The following MAP4K5 variants were observed in gnomAD, a reference collection of about 807,000 sequenced individuals.
MAP4K5 encodes the protein mitogen-activated protein kinase kinase kinase kinase 5, also known as MAPK/ERK kinase kinase kinase 5.
A neutral mutation model predicts 135.6 loss-of-function variants in MAP4K5; 82 were observed. The observed-to-expected ratio is 0.60, with a 90% CI of 0.51 to 0.73. The LOEUF is 0.73. Among genes scored for constraint, MAP4K5 ranks in the 30% least tolerant of loss-of-function variants. The pLI is 0.00. For synonymous variants in MAP4K5, 347 were observed against 335.0 expected, an observed-to-expected ratio of 1.04 and a Z score of -0.39; for missense variants, 907 against 1,010.9, an observed-to-expected ratio of 0.90 and a Z score of 1.39.
rs990398488 is a variant in MAP4K5, at chr14:50,429,373, C to T, written c.2165-113G>A. Reference sequence around the variant, plus strand: ...TAAAATTGATCTTTGAAATTTAACACAGAATTTATATTTTGTGATGTTATC... The same window carrying T: ...TAAAATTGATCTTTGAAATTTAACATAGAATTTATATTTTGTGATGTTATC... On this transcript the variant is annotated intron_variant, in intron 28 of 32. Coordinates refer to ENST00000682126, the MANE Select transcript of MAP4K5 (RefSeq NM_006575.6). The T allele has an allele frequency of 4.7e-6, 3 of 632,130 alleles. No individual in the cohort carries two copies. In the East Asian group the frequency reaches 8.6e-5, roughly 18 times the overall value. The allele number at this position is 632,130 out of a possible 1,614,324, so 39.2% of individuals were successfully genotyped here. A position where few individuals can be genotyped will look rare whatever the true frequency, so the allele number is the denominator to read the frequency against.
chr14:50,425,867 T>C (rs2035833867), intron 31 of MAP4K5, 40 bp downstream of exon 31: 3 of 1,408,756 alleles, frequency 2.1e-6, no homozygotes, highest in East Asian at 2.3e-5. Flanking sequence ...CATTTAAAAT[T>C]GTTAGTGGGA....
intron 6 of MAP4K5, among the ~76,000 whole-genome samples, chr14:50,477,911 T>C (rs151295416): frequency 6.6e-6 from 1 of 152,288 alleles, no homozygotes; most frequent in East Asian, 1.9e-4. Flanking sequence ...CATTAGCCTG[T>C]AGTTTTGTTC....
At chr14:50,543,770 T>C (rs982129299) in intron 1 of MAP4K5, among the ~76,000 whole-genome samples, 20 of 152,242 alleles carry the variant, frequency 1.3e-4, no homozygotes, top group Admixed American at 5.2e-4. Flanking sequence ...GGAGTGGCTC[T>C]TCTATTATTC....
At position 50,445,122 on chromosome 14, in the gene MAP4K5, C is replaced by T. The variant is rs1355269556; in HGVS notation, c.1258G>A (p.Asp420Asn). The change falls in exon 18 of 33, where the codon GAT becomes AAT. Residue 420 changes from aspartate to asparagine, a missense_variant. Transcript: ENST00000682126. Reference protein sequence around the residue: ...EKASTIKHCPDSESRAPQILR... With the variant: ...EKASTIKHCPNSESRAPQILR... ...ATTTGGGGAGCTCTGCTTTCTGAAT[C>T]AGGACAATGTTTTATGGTTGATGCT... The T allele has an allele frequency of 2.5e-6, 4 of 1,613,662 alleles. No homozygotes were observed. The highest frequency in any genetic ancestry group is 3.4e-6 in the Non-Finnish European group (4 of 1,179,698).
At position 50,466,661 on chromosome 14, in the gene MAP4K5, T is replaced by C. The variant is rs369362033; in HGVS notation, c.675-16A>G. On this transcript the variant is annotated splice_polypyrimidine_tract_variant and intron_variant, in intron 10 of 32. Transcript: ENST00000682126. The stretch of plus-strand genomic sequence containing the variant: ...GAAGAGAGCCCTGAAATAAAAATTA[T>C]AGTTAAAGAACAATATCAAAATTAC... 37 of 1,196,806 alleles carry C rather than the reference T, an allele frequency of 3.1e-5. No homozygotes were observed. Among genetic ancestry groups the C allele is most frequent in the Admixed American group, 6.0e-5 (3 of 50,168 alleles). 74.1% of individuals were successfully genotyped at this position (1,196,806 alleles called of 1,614,324 possible).
rs745321309 is a variant in MAP4K5, at chr14:50,440,408, A to G, written c.1598T>C (p.Ile533Thr). 6.2e-7 allele frequency: 1 copy of G among 1,603,326 alleles called. No homozygotes were observed. The highest frequency in any genetic ancestry group is 1.1e-5 in the South Asian group (1 of 89,726). ...TAGCTCATTGAGATTCAGTGTGTAA[A>G]TACCATCTTCAGTTCCAAAAATAAT... The part of the protein sequence containing the change: ...QYIIFGTEDG[I>T]YTLNLNELHE... The change falls in exon 22 of 33, where the codon ATT (isoleucine) becomes ACT (threonine). Residue 533 changes from isoleucine (I) to threonine (T), a missense_variant. This residue lies in a region of MAP4K5 where 690 missense variants were observed against 777.4 expected (regional missense o/e 0.89). Coordinates refer to ENST00000682126, the MANE Select transcript of MAP4K5 (RefSeq NM_006575.6).
intron 13 of MAP4K5, among the ~76,000 whole-genome samples, chr14:50,459,574 C>G (rs2036664050): frequency 6.6e-6 from 1 of 152,158 alleles, no homozygotes; most frequent in East Asian, 1.9e-4. Context: ...TTCTACTACC[C>G]TTAGACTAAA....
At chr14:50,526,555 C>T (rs1185511175) in intron 2 of MAP4K5, among the ~76,000 whole-genome samples, 2 of 152,214 alleles carry the variant, frequency 1.3e-5, no homozygotes, top group Non-Finnish European at 2.9e-5. Context: ...CTTGGCCTCC[C>T]AAAGTGCTAG....
intron 6 of MAP4K5, among the ~76,000 whole-genome samples, chr14:50,477,173 T>C (rs2037120828): frequency 6.6e-6 from 1 of 152,226 alleles, no homozygotes; most frequent in Admixed American, 6.5e-5. Flanking sequence ...GTTTTGTAGT[T>C]TTCTGTATGC....
At chr14:50,477,109 T>C (rs1205070927) in intron 6 of MAP4K5, among the ~76,000 whole-genome samples, 1 of 152,256 alleles carries the variant, frequency 6.6e-6, no homozygotes, top group Non-Finnish European at 1.5e-5. Context: ...AGTCTTCTGG[T>C]TTGTGAACAT....
chr14:50,514,144 C>T (rs758483865), intron 2 of MAP4K5, among the ~76,000 whole-genome samples: 7 of 152,138 alleles, frequency 4.6e-5, no homozygotes, highest in Non-Finnish European at 7.4e-5. Flanking sequence ...GTGGTGTGAT[C>T]TCAGCTCACT....
At chr14:50,452,435 A>C (rs887640006) in intron 14 of MAP4K5, among the ~76,000 whole-genome samples, 2 of 151,954 alleles carry the variant, frequency 1.3e-5, no homozygotes, top group Admixed American at 1.3e-4. Flanking sequence ...GAGCTCATTA[A>C]CTCTATGAAC....
chr14:50,466,075 C>A (rs2093021), intron 11 of MAP4K5, among the ~76,000 whole-genome samples: 150,951 of 152,118 alleles, frequency 0.99, 74,915 homozygotes, highest in Middle Eastern at 1. Flanking sequence ...TCCGTCTCCA[C>A]AAAAAAGAAA....
intron 2 of MAP4K5, among the ~76,000 whole-genome samples, chr14:50,524,434 T>C (rs2038216160): frequency 6.6e-6 from 1 of 152,148 alleles, no homozygotes; most frequent in South Asian, 2.1e-4. Flanking sequence ...GGCAATATAC[T>C]AGTACAGGTG....
intron 3 of MAP4K5, among the ~76,000 whole-genome samples, chr14:50,488,378 C>T (rs572222306): frequency 4.6e-4 from 70 of 152,274 alleles, no homozygotes; most frequent in African/African-American, 1.6e-3. Flanking sequence ...GGACACAAAG[C>T]CTAACCATAT....
chr14:50,420,168 A>T, intron 32 of MAP4K5, 62 bp from the exon 33 acceptor site: 1 of 845,346 alleles, frequency 1.2e-6, no homozygotes, highest in Non-Finnish European at 2.0e-6. Flanking sequence ...TCAAATACTA[A>T]CATCAAACTA....
At chr14:50,437,664 C>A in intron 25 of MAP4K5, 130 bp from the exon 26 acceptor site, 1 of 676,522 alleles carries the variant, frequency 1.5e-6, no homozygotes. Context: ...TCCACACTAT[C>A]TCATCTTATA....
At chr14:50,458,951 G>A (rs2036650954) in intron 13 of MAP4K5, among the ~76,000 whole-genome samples, 1 of 152,058 alleles carries the variant, frequency 6.6e-6, no homozygotes, top group Non-Finnish European at 1.5e-5. Context: ...TGGGACTACA[G>A]GAACCCACCA....
intron 10 of MAP4K5, among the ~76,000 whole-genome samples, chr14:50,466,847 T>C (rs2139830374): frequency 6.6e-6 from 1 of 152,300 alleles, no homozygotes; most frequent in Non-Finnish European, 1.5e-5. Flanking sequence ...ATTTTTAAAT[T>C]TCCAACAAGT....
Sources: allele counts gnomAD v4.1 joint callset (sites outside exome capture counted in the v4.1 genomes callset), GRCh38; gene constraint gnomAD v4.1.1; regional missense constraint gnomAD v4.1.1; transcripts MANE v1.5; gene names NCBI Gene and HGNC (gene_info 2026-07-23, HGNC 2026-07-21).